PTPRT: variants seen among roughly 807,000 people sequenced by gnomAD.
PTPRT encodes receptor-type tyrosine-protein phosphatase T.
Under a neutral mutation model 176.8 loss-of-function variants are expected in PTPRT, and 56 were observed. That is an observed-to-expected ratio of 0.32 (90% CI 0.26 to 0.40). PTPRT has a LOEUF of 0.40. Among genes scored for constraint, PTPRT ranks in the 10% least tolerant of loss-of-function variants. The probability of loss-of-function intolerance (pLI) is 1.00; values close to 1 mark genes in which losing one functional copy is unlikely to be tolerated. For synonymous variants in PTPRT, 783 were observed against 739.0 expected (o/e 1.06, Z -0.96); for missense variants, 1,540 against 1,908.2 (o/e 0.81, Z 3.60).
chr20:42,458,148 G>A (rs1189234878), intron 8 of PTPRT, among the ~76,000 whole-genome samples: 1 of 152,118 alleles, frequency 6.6e-6, no homozygotes, highest in African/African-American at 2.4e-5. Context: ...ATGACGTCTT[G>A]CATTAATTCT....
intron 1 of PTPRT, among the ~76,000 whole-genome samples, chr20:43,092,666 CAT>C (rs1049493300): frequency 1.3e-5 from 2 of 152,166 alleles, no homozygotes; most frequent in African/African-American, 4.8e-5. Context: ...CACGTTAAAA[CAT>C]GTGAATTTTG....
chr20:42,325,175 G>A (rs1444430354), intron 11 of PTPRT, among the ~76,000 whole-genome samples: 1 of 152,032 alleles, frequency 6.6e-6, no homozygotes, highest in Non-Finnish European at 1.5e-5. Flanking sequence ...GGGAAGGAAG[G>A]AACCTACAGG....
intron 24 of PTPRT, among the ~76,000 whole-genome samples, chr20:42,106,083 C>G (rs1356941796): frequency 6.6e-6 from 1 of 152,188 alleles, no homozygotes; most frequent in Admixed American, 6.5e-5. Context: ...GTCTTAGGGA[C>G]ACAATTTCTT....
chr20:43,083,352 A>ATATATACATATATG (rs2011511834), intron 1 of PTPRT, among the ~76,000 whole-genome samples: 2 of 128,628 alleles, frequency 1.6e-5, no homozygotes, highest in African/African-American at 2.9e-5. Context: ...ATATATATAT[A>ATATATACATATATG]TATATATATA....
At chr20:43,028,382 C>T (rs1452663893) in intron 1 of PTPRT, among the ~76,000 whole-genome samples, 1 of 152,036 alleles carries the variant, frequency 6.6e-6, no homozygotes, top group African/African-American at 2.4e-5. Flanking sequence ...ACTTGGTTCC[C>T]CTCCCACCTC....
intron 7 of PTPRT, among the ~76,000 whole-genome samples, chr20:42,649,697 G>A (rs1164884096): frequency 1.3e-5 from 2 of 152,154 alleles, no homozygotes; most frequent in Admixed American, 1.3e-4. Flanking sequence ...CCTAAGTTAT[G>A]CTTGATTTAC....
intron 1 of PTPRT, among the ~76,000 whole-genome samples, chr20:43,007,401 T>C (rs1984907323): frequency 6.6e-6 from 1 of 152,262 alleles, no homozygotes; most frequent in Admixed American, 6.5e-5. Context: ...TATTCTGCTA[T>C]CTTTAGCCAT....
intron 15 of PTPRT, among the ~76,000 whole-genome samples, chr20:42,231,672 A>G (rs2056138556): frequency 6.6e-6 from 1 of 152,170 alleles, no homozygotes; most frequent in Non-Finnish European, 1.5e-5. Flanking sequence ...GCAAACTGTG[A>G]CCTGTGGGCC....
intron 2 of PTPRT, among the ~76,000 whole-genome samples, chr20:42,819,706 A>C (rs2077855638): frequency 6.6e-6 from 1 of 151,950 alleles, no homozygotes; most frequent in Non-Finnish European, 1.5e-5. Context: ...GACGGAGGAA[A>C]ATCTAGGCAA....
intron 7 of PTPRT, among the ~76,000 whole-genome samples, chr20:42,569,010 T>C (rs2073096750): frequency 8.4e-6 from 1 of 118,846 alleles, no homozygotes; most frequent in South Asian, 3.2e-4. Context: ...ATCGTGCCAC[T>C]GCACTCCAGC....
chr20:42,852,484 GGTCC>G (rs1324576630), intron 2 of PTPRT, among the ~76,000 whole-genome samples: 1 of 151,962 alleles, frequency 6.6e-6, no homozygotes, highest in Non-Finnish European at 1.5e-5. Flanking sequence ...TTTCGTATCT[GGTCC>G]CTAAAACCTC....
chr20:42,195,522 T>TA (rs11086828), intron 16 of PTPRT, among the ~76,000 whole-genome samples: 94,371 of 151,940 alleles, frequency 0.62, 30,074 homozygotes, highest in African/African-American at 0.75. Flanking sequence ...CAGGGCATTT[T>TA]AAAGGTACCT....
At chr20:42,987,494 C>T (rs1983663957) in intron 1 of PTPRT, among the ~76,000 whole-genome samples, 1 of 152,190 alleles carries the variant, frequency 6.6e-6, no homozygotes, top group African/African-American at 2.4e-5. Context: ...CCTGCCAGAC[C>T]TGCATGGTCT....
At chr20:42,160,801 G>A (rs945425489) in intron 17 of PTPRT, among the ~76,000 whole-genome samples, 5 of 152,208 alleles carry the variant, frequency 3.3e-5, no homozygotes, top group South Asian at 2.1e-4. Context: ...AGTGCAGGGT[G>A]AAGAGATGGT....
At chr20:42,856,613 G>C (rs2078567825) in intron 2 of PTPRT, among the ~76,000 whole-genome samples, 1 of 152,080 alleles carries the variant, frequency 6.6e-6, no homozygotes, top group African/African-American at 2.4e-5. Context: ...CCCCAGGGTT[G>C]TCTTCTGGGC....
intron 7 of PTPRT, among the ~76,000 whole-genome samples, chr20:42,586,979 C>G (rs1196582784): frequency 6.6e-6 from 1 of 152,148 alleles, no homozygotes; most frequent in Admixed American, 6.5e-5. Flanking sequence ...CTGATGGACC[C>G]CATGGTCCAG....
intron 6 of PTPRT, among the ~76,000 whole-genome samples, chr20:42,702,337 A>G (rs1458802523): frequency 6.6e-6 from 1 of 152,188 alleles, no homozygotes; most frequent in African/African-American, 2.4e-5. Flanking sequence ...AATGCTCATT[A>G]ACATCTCCAG....
chr20:42,476,745 T>C (rs1021829563), intron 7 of PTPRT, among the ~76,000 whole-genome samples: 25 of 152,170 alleles, frequency 1.6e-4, no homozygotes, highest in Non-Finnish European at 1.5e-5. Flanking sequence ...CAATGGCTAT[T>C]AAGTAGCAAC....
chr20:42,173,517 A>C (rs1263123003), intron 16 of PTPRT, among the ~76,000 whole-genome samples: 1 of 152,214 alleles, frequency 6.6e-6, no homozygotes, highest in East Asian at 1.9e-4. Flanking sequence ...AATTCTATCA[A>C]AATCAGTGAG....
Sources: allele counts gnomAD v4.1 joint callset (sites outside exome capture counted in the v4.1 genomes callset), GRCh38; gene constraint gnomAD v4.1.1; transcripts MANE v1.5; gene names NCBI Gene and HGNC (gene_info 2026-07-23, HGNC 2026-07-21).